Variants in RGPD2 observed in about 807,000 individuals in gnomAD.
RGPD2 encodes the protein RANBP2-like and GRIP domain-containing protein 2.
In RGPD2, 2 loss-of-function variants were observed where a neutral mutation model predicts 36.0. The ratio of observed to expected loss-of-function variants is 0.06; its 90% CI spans 0.02 to 0.17. RGPD2 has a LOEUF of 0.17. Ranked by LOEUF, RGPD2 falls within the 10% of genes least tolerant of loss-of-function variation. The pLI is 1.00. For missense variants in RGPD2, 40 were observed against 464.3 expected, an observed-to-expected ratio of 0.09 and a Z score of 8.40; for synonymous variants, 19 against 163.8, an observed-to-expected ratio of 0.12 and a Z score of 6.75.
rs868742390 is a variant in RGPD2 at position 87,825,611 on chromosome 2, G to T, written c.72+47C>A. ...GCCGCCGCCCGGCCAGGTCGAGGCCGCCGCCCGGCCAGGTCGAGGCCGTCG... is the reference window on the plus strand; with the variant it reads ...GCCGCCGCCCGGCCAGGTCGAGGCCTCCGCCCGGCCAGGTCGAGGCCGTCG... On this transcript the variant is annotated intron_variant, in intron 1 of 22. Transcript: ENST00000398146. The T allele has an allele frequency of 4.4e-6, 6 of 1,364,198 alleles. No homozygotes were observed. The South Asian group carries it at 7.5e-5, about 17-fold the overall frequency. The allele number at this position is 1,364,198 out of a possible 1,614,324, so 84.5% of individuals were successfully genotyped here. A position where few individuals can be genotyped will look rare whatever the true frequency, so the allele number is the denominator to read the frequency against.
chr2:87,826,855 A>G (rs1050798372), upstream of RGPD2, among the ~76,000 whole-genome samples: 1 of 68,334 alleles, frequency 1.5e-5, no homozygotes, highest in African/African-American at 5.9e-5. Context: ...GGGTAGAAAA[A>G]TTTTATTCAA....
At chr2:87,914,962 A>G in the RGPD2 span, among the ~76,000 whole-genome samples, 5 of 152,254 alleles carry the variant, frequency 3.3e-5, no homozygotes, top group South Asian at 1.0e-3. Context: ...AGCCTGACCA[A>G]CATGGGGAAA....
the RGPD2 span, among the ~76,000 whole-genome samples, chr2:87,839,456 T>A: frequency 2.6e-5 from 4 of 152,054 alleles, no homozygotes; most frequent in South Asian, 8.3e-4. Context: ...ATATAAATAG[T>A]TCTAACGTAA....
At chr2:87,940,592 CA>C in the RGPD2 span, among the ~76,000 whole-genome samples, 5 of 136,010 alleles carry the variant, frequency 3.7e-5, no homozygotes, top group East Asian at 1.1e-3. Context: ...TAAAATTATA[CA>C]AACAAGCAAC....
intron 20 of RGPD2, among the ~76,000 whole-genome samples, chr2:87,776,390 TC>T (rs1685262123): frequency 7.6e-6 from 1 of 131,402 alleles, no homozygotes; most frequent in African/African-American, 2.7e-5. Flanking sequence ...ATCTCATCCA[TC>T]CATCCAACCA....
the RGPD2 span, among the ~76,000 whole-genome samples, chr2:87,834,061 AATCC>A: frequency 9.9e-6 from 1 of 101,246 alleles, no homozygotes; most frequent in Non-Finnish European, 2.0e-5. Flanking sequence ...TAGGATACAA[AATCC>A]ATCAATTTAT....
chr2:87,964,816 T>TTTA, the RGPD2 span, among the ~76,000 whole-genome samples: 411 of 78,530 alleles, frequency 5.2e-3, 33 homozygotes, highest in East Asian at 0.012. Context: ...TATTTATTTA[T>TTTA]TTTTCTTTTT....
the RGPD2 span, among the ~76,000 whole-genome samples, chr2:87,872,655 T>G: frequency 9.1e-3 from 1,263 of 139,304 alleles, no homozygotes; most frequent in Middle Eastern, 0.034. Context: ...TTAGCTATTT[T>G]GCCTGATGCT....
At chr2:87,839,157 A>G in the RGPD2 span, among the ~76,000 whole-genome samples, 2 of 151,614 alleles carry the variant, frequency 1.3e-5, no homozygotes, top group African/African-American at 2.4e-5. Flanking sequence ...AATCTATAAG[A>G]CACTTGAACA....
chr2:87,905,511 C>T, the RGPD2 span, among the ~76,000 whole-genome samples: 1 of 151,280 alleles, frequency 6.6e-6, no homozygotes, highest in Non-Finnish European at 1.5e-5. Context: ...ATCAATTGAG[C>T]TATAATTTAC....
At chr2:87,825,522 C>CGGCCGAGGCCGA (rs1307876190) in intron 1 of RGPD2, 136 bp downstream of exon 1, 14 of 436,396 alleles carry the variant, frequency 3.2e-5, no homozygotes, top group Admixed American at 1.4e-4. Flanking sequence ...GGCCGCCGCC[C>CGGCCGAGGCCGA]GGCCGAGGCC....
At chr2:87,875,711 G>T in the RGPD2 span, among the ~76,000 whole-genome samples, 3 of 152,380 alleles carry the variant, frequency 2.0e-5, no homozygotes, top group South Asian at 2.1e-4. Flanking sequence ...CCAGGTTTTG[G>T]TATCAGGATG....
At chr2:87,880,719 C>T in the RGPD2 span, among the ~76,000 whole-genome samples, 1 of 22,944 alleles carries the variant, frequency 4.4e-5, no homozygotes, top group Non-Finnish European at 8.0e-5. Flanking sequence ...CAGGCCCCAC[C>T]TCTAACACTG....
the RGPD2 span, among the ~76,000 whole-genome samples, chr2:87,919,468 A>C: frequency 1.3e-5 from 2 of 152,148 alleles, no homozygotes; most frequent in Admixed American, 6.5e-5. Flanking sequence ...GTAAATCAGT[A>C]ACTCAACAGT....
the RGPD2 span, among the ~76,000 whole-genome samples, chr2:87,857,834 C>T: frequency 1.3e-5 from 2 of 149,148 alleles, no homozygotes; most frequent in South Asian, 2.1e-4. Flanking sequence ...GTTCTGGTTG[C>T]ATATGTACAT....
At chr2:87,855,208 T>G in the RGPD2 span, among the ~76,000 whole-genome samples, 1 of 152,100 alleles carries the variant, frequency 6.6e-6, no homozygotes, top group African/African-American at 2.4e-5. Flanking sequence ...CAGGTTTTTG[T>G]GTGGACAAAC....
At chr2:87,968,807 A>G in the RGPD2 span, 2 of 175,720 alleles carry the variant, frequency 1.1e-5, no homozygotes, top group Non-Finnish European at 2.3e-5. Flanking sequence ...AAGATCAGCA[A>G]GTGTCTTTCC....
chr2:87,903,534 A>T, the RGPD2 span, among the ~76,000 whole-genome samples: 1 of 152,164 alleles, frequency 6.6e-6, no homozygotes, highest in Non-Finnish European at 1.5e-5. Flanking sequence ...ACAAATAGAG[A>T]GAAAGTGAGC....
At chr2:87,915,738 G>A in the RGPD2 span, among the ~76,000 whole-genome samples, 6 of 148,060 alleles carry the variant, frequency 4.1e-5, no homozygotes, top group South Asian at 2.1e-4. Flanking sequence ...TTGTTCTATC[G>A]AGATCCCCAC....
Sources: gnomAD v4.1 joint callset for allele counts (sites outside exome capture counted in the v4.1 genomes callset) on GRCh38, gnomAD v4.1.1 for gene constraint, MANE v1.5 for transcripts, NCBI Gene and HGNC (gene_info 2026-07-23, HGNC 2026-07-21) for gene names.